Variants in NLRP5 observed in about 807,000 individuals in gnomAD.
NLRP5 encodes NLR family pyrin domain containing 5, also known as NACHT, LRR and PYD domains-containing protein 5.
In NLRP5, 93 loss-of-function variants were observed where a neutral mutation model predicts 113.1. The observed-to-expected ratio is 0.82, with a 90% CI of 0.70 to 0.98. The LOEUF is 0.98. Among genes scored for constraint, NLRP5 ranks in the 50% least tolerant of loss-of-function variants. The pLI, the probability that NLRP5 is intolerant of heterozygous loss-of-function variation, is 0.00. For missense variants in NLRP5, 1,808 were observed against 1,514.3 expected, an observed-to-expected ratio of 1.19 and a Z score of -3.22; for synonymous variants, 751 against 600.7, an observed-to-expected ratio of 1.25 and a Z score of -3.66.
Position 56,027,361 on chromosome 19 carries a change from G to A in NLRP5, c.1128G>A (p.Lys376=). 3 of 1,613,386 alleles carry A rather than the reference G, an allele frequency of 1.9e-6. No homozygotes were observed. Residue 376 remains lysine (K), a synonymous_variant, in exon 7 of 15, where the codon AAG becomes AAA. Transcript: ENST00000390649. ...GCTCTGTCCTCAACAATGACACAAA[G>A]CTCTGCAAAGACTGGGCTGAGAAGC...
chr19:56,000,311 A>G (rs1295928270), intron 1 of NLRP5, among the ~76,000 whole-genome samples: 2 of 152,098 alleles, frequency 1.3e-5, no homozygotes, highest in Non-Finnish European at 2.9e-5. Context: ...TCATGATAAC[A>G]TGTTTCCTGT....
chr19:56,030,053 TC>T (rs1983034647), intron 7 of NLRP5, among the ~76,000 whole-genome samples: 2 of 147,362 alleles, frequency 1.4e-5, no homozygotes, highest in African/African-American at 5.0e-5. Context: ...AGACTCCATC[TC>T]AAAAAATAAA....
chr19:56,024,561 GTA>G (rs1356644435), intron 6 of NLRP5, among the ~76,000 whole-genome samples: 2 of 141,366 alleles, frequency 1.4e-5, no homozygotes, highest in East Asian at 4.0e-4. Flanking sequence ...GTGTATATAT[GTA>G]TATATACACA....
chr19:56,053,728 G>A lies in NLRP5; in HGVS notation c.3219G>A (p.Thr1073=), dbSNP rs199475785. ...GACACCTGAAGAGCCTGGATCTCAC[G>A]GACAATGCCCTGGGTGACGGTGGGG... The change falls in exon 13 of 15, where the codon ACG becomes ACA. Residue 1073 remains threonine (T), a synonymous_variant. Transcript: ENST00000390649. 15 of 1,613,920 alleles carry A rather than the reference G, an allele frequency of 9.3e-6. No individual in the cohort carries two copies. The highest frequency in any genetic ancestry group is 4.5e-5 in the East Asian group (2 of 44,868).
chr19:56,025,377 C>A (rs1026300133), intron 6 of NLRP5, among the ~76,000 whole-genome samples: 1 of 137,660 alleles, frequency 7.3e-6, no homozygotes, highest in South Asian at 2.4e-4. Flanking sequence ...CCTCAAGGAA[C>A]GTGCTCCGTT....
upstream of NLRP5, among the ~76,000 whole-genome samples, chr19:55,999,070 T>C (rs562104225): frequency 1.1e-4 from 17 of 152,112 alleles, no homozygotes; most frequent in Admixed American, 6.6e-4. Context: ...GAAACTTGTT[T>C]GTACCTTTTC....
chr19:56,055,529 T>C (rs1371743929), intron 13 of NLRP5, among the ~76,000 whole-genome samples: 1 of 122,178 alleles, frequency 8.2e-6, no homozygotes, highest in Non-Finnish European at 1.8e-5. Context: ...CTATTTTTCT[T>C]TCTCTGTCTT....
intron 9 of NLRP5, 60 bp downstream of exon 9, chr19:56,033,769 A>G (rs531488680): frequency 6.9e-7 from 1 of 1,457,662 alleles, no homozygotes; most frequent in Admixed American, 2.1e-5. Flanking sequence ...GTTTGAAATG[A>G]TTACATAAAG....
chr19:56,022,511 G>A (rs58099735), intron 6 of NLRP5, among the ~76,000 whole-genome samples: 3,219 of 152,198 alleles, frequency 0.021, 105 homozygotes, highest in African/African-American at 0.073. Flanking sequence ...TTACAGGGAT[G>A]AGCCACTACG....
At chr19:56,060,180 G>C (rs567451371) in intron 14 of NLRP5, among the ~76,000 whole-genome samples, 1 of 152,304 alleles carries the variant, frequency 6.6e-6, no homozygotes, top group East Asian at 1.9e-4. Context: ...GTGACTATGG[G>C]ACTTAGTAGT....
chr19:56,003,974 A>G lies in NLRP5; in HGVS notation c.321A>G (p.Glu107=). Reference sequence around the variant, plus strand: ...TTGAAATCGAGAATGCCAACGTGGAATGTCTGGCACTCCTCTTGCATGAGT... The same window carrying G: ...TTGAAATCGAGAATGCCAACGTGGAGTGTCTGGCACTCCTCTTGCATGAGT... The change falls in exon 2 of 15, where the codon GAA becomes GAG. Residue 107 remains glutamate (E), a synonymous_variant. Transcript: ENST00000390649. 1 of 1,613,988 alleles carries G rather than the reference A, an allele frequency of 6.2e-7. No homozygotes were observed. Among genetic ancestry groups the G allele is most frequent in the Non-Finnish European group, 8.5e-7 (1 of 1,179,878 alleles).
chr19:56,004,654 A>G (rs962570811), intron 2 of NLRP5, among the ~76,000 whole-genome samples: 1 of 152,162 alleles, frequency 6.6e-6, no homozygotes, highest in African/African-American at 2.4e-5. Flanking sequence ...TAGTGCAGCA[A>G]GAATTCGGAT....
At chr19:56,048,300 TTTAAC>T (rs1983801790) in intron 11 of NLRP5, among the ~76,000 whole-genome samples, 1 of 152,218 alleles carries the variant, frequency 6.6e-6, no homozygotes, top group African/African-American at 2.4e-5. Context: ...GTTTTTGCTT[TTTAAC>T]TTATATTTTT....
chr19:55,987,957 ACT>A, the NLRP5 span: 1 of 1,440,404 alleles, frequency 6.9e-7, no homozygotes, highest in African/African-American at 1.4e-5. Flanking sequence ...ATCAGTTCCC[ACT>A]CTGACAACTG....
intron 9 of NLRP5, among the ~76,000 whole-genome samples, chr19:56,036,824 G>A (rs1219026067): frequency 1.3e-5 from 2 of 152,114 alleles, no homozygotes; most frequent in African/African-American, 4.8e-5. Flanking sequence ...GGGCATGATG[G>A]CATGCACCTG....
intron 9 of NLRP5, among the ~76,000 whole-genome samples, chr19:56,035,713 A>T (rs1983286045): frequency 6.6e-6 from 1 of 152,140 alleles, no homozygotes; most frequent in Admixed American, 6.6e-5. Context: ...TCACTCCTGT[A>T]TTCCCGGAAC....
intron 11 of NLRP5, among the ~76,000 whole-genome samples, chr19:56,049,396 G>A (rs1983848502): frequency 6.6e-6 from 1 of 152,092 alleles, no homozygotes; most frequent in Non-Finnish European, 1.5e-5. Flanking sequence ...GGTCAGGCTG[G>A]TATCGAACTT....
At chr19:55,999,584 C>T (rs995143746), upstream of NLRP5, 7 of 680,568 alleles carry the variant, frequency 1.0e-5, no homozygotes, top group Admixed American at 1.4e-4. Context: ...CATGCATGCT[C>T]TGTGCCAGCC....
At chr19:56,059,639 A>G (rs1984281692) in intron 14 of NLRP5, among the ~76,000 whole-genome samples, 1 of 152,130 alleles carries the variant, frequency 6.6e-6, no homozygotes. Context: ...GGTTCAAGCA[A>G]TTCTGCTGCC....
Sources: allele counts gnomAD v4.1 joint callset (sites outside exome capture counted in the v4.1 genomes callset), GRCh38; gene constraint gnomAD v4.1.1; transcripts MANE v1.5; gene names NCBI Gene and HGNC (gene_info 2026-07-23, HGNC 2026-07-21).